Variants in CYSLTR2 observed in about 807,000 individuals in gnomAD.
CYSLTR2 encodes the protein cysteinyl leukotriene receptor 2, also known as G-protein coupled receptor GPCR21.
For missense variants in CYSLTR2, 398 were observed against 411.9 expected, an observed-to-expected ratio of 0.97 and a Z score of 0.29; for synonymous variants, 179 against 160.8, an observed-to-expected ratio of 1.11 and a Z score of -0.86.
chr13:48,707,885 G>C lies in CYSLTR2; in HGVS notation c.*27G>C. 1 of 1,480,908 alleles carries C rather than the reference G, an allele frequency of 6.8e-7. No individual in the cohort carries two copies. Among genetic ancestry groups the C allele is most frequent in the Non-Finnish European group, 9.0e-7 (1 of 1,109,714 alleles). The allele number at this position is 1,480,908 out of a possible 1,614,324, so 91.7% of individuals were successfully genotyped here. A position where few individuals can be genotyped will look rare whatever the true frequency, so the allele number is the denominator to read the frequency against. On this transcript the variant is annotated 3_prime_UTR_variant, in exon 5 of 5. Transcript: ENST00000682523. ...GAGCTCTTAGATGAGACCTGTTCTT[G>C]TATCCTTGTGTCCATCTTCATTCAC...
rs1377751560 is a variant in CYSLTR2 at position 48,706,824 on chromosome 13, A to G, written c.7A>G (p.Arg3Gly). 2.5e-6 allele frequency: 4 copies of G among 1,607,048 alleles called. No individual in the cohort carries two copies. In the South Asian group the frequency reaches 4.4e-5, roughly 18 times the overall value. The part of the protein sequence containing the change: ME[R>G]KFMSLQPSIS... The stretch of plus-strand genomic sequence containing the variant: ...TGTTTCTTTTTAACCCAGCATGGAG[A>G]GAAAATTTATGTCCTTGCAACCATC... Residue 3 changes from arginine (R) to glycine (G), a missense_variant, in exon 5 of 5, where the codon AGA becomes GGA. By Grantham distance (125) the Arg-to-Gly change is moderately radical (BLOSUM62 -2). Coordinates refer to ENST00000682523, the MANE Select transcript of CYSLTR2 (RefSeq NM_001308476.3).
intron 1 of CYSLTR2, among the ~76,000 whole-genome samples, chr13:48,659,210 C>T (rs1343796815): frequency 6.6e-6 from 1 of 152,198 alleles, no homozygotes; most frequent in Admixed American, 6.5e-5. Flanking sequence ...CAGATACCCA[C>T]TGCCCCCATG....
At chr13:48,664,866 G>T (rs996962710) in intron 1 of CYSLTR2, among the ~76,000 whole-genome samples, 1 of 151,514 alleles carries the variant, frequency 6.6e-6, no homozygotes, top group Non-Finnish European at 1.5e-5. Context: ...GGCTTAGTTT[G>T]CTCTTGCTTT....
rs1954592913 is a variant in CYSLTR2 at position 48,709,767 on chromosome 13, A to G, written c.*1909A>G. The G allele has an allele frequency of 2.0e-5, 3 of 152,228 alleles. No homozygotes were observed. In the South Asian group the frequency reaches 6.2e-4, roughly 31 times the overall value. 9.4% of individuals were successfully genotyped at this position (152,228 alleles called of 1,614,324 possible). ...ATAAGAGATTAAACCAAGATAGAGG[A>G]AAACACAGTAGCTGGGAAACAAGGA... On this transcript the variant is annotated 3_prime_UTR_variant, in exon 5 of 5. Coordinates refer to ENST00000682523, the MANE Select transcript of CYSLTR2 (RefSeq NM_001308476.3).
chr13:48,684,696 T>C (rs932460509), intron 1 of CYSLTR2, among the ~76,000 whole-genome samples: 1 of 152,100 alleles, frequency 6.6e-6, no homozygotes, highest in African/African-American at 2.4e-5. Flanking sequence ...CCAAACAATA[T>C]GTCCAAGTCC....
chr13:48,696,279 T>C (rs1321680891), intron 3 of CYSLTR2, among the ~76,000 whole-genome samples: 1 of 152,236 alleles, frequency 6.6e-6, no homozygotes, highest in Non-Finnish European at 1.5e-5. Context: ...ATTCAAGAGT[T>C]CTTTATATAT....
In CYSLTR2 at chr13:48,706,558, T is replaced by A. The variant is rs931952498; in HGVS notation, c.-1-259T>A. 3 of 396,140 alleles carry A rather than the reference T, an allele frequency of 7.6e-6. No homozygotes were observed. In the Admixed American group the frequency reaches 1.3e-4, roughly 17 times the overall value. The allele number at this position is 396,140 out of a possible 1,614,324, so 24.5% of individuals were successfully genotyped here. On this transcript the variant is annotated intron_variant, in intron 4 of 4. Coordinates refer to ENST00000682523, the MANE Select transcript of CYSLTR2 (RefSeq NM_001308476.3). ...GTCAACAGGGTCAGTAGGTCACAAG[T>A]TCTCTAAGTTTGAAGCGTCAGCTTC...
chr13:48,667,336 G>A (rs1361636220), intron 1 of CYSLTR2, among the ~76,000 whole-genome samples: 1 of 152,224 alleles, frequency 6.6e-6, no homozygotes, highest in African/African-American at 2.4e-5. Flanking sequence ...CCATGGGGCT[G>A]TTACCCTGGC....
intron 4 of CYSLTR2, among the ~76,000 whole-genome samples, chr13:48,703,366 A>G (rs1954399715): frequency 1.3e-5 from 2 of 152,184 alleles, no homozygotes; most frequent in Non-Finnish European, 2.9e-5. Flanking sequence ...TGAATAAGAC[A>G]GTGAGAATGG....
rs1356247873 is a variant in CYSLTR2 at position 48,699,052 on chromosome 13, G to A, written c.-2+2426G>A. 2.6e-5 allele frequency among the ~76,000 whole-genome samples: 4 copies of A among 152,286 alleles called. No homozygotes were observed. The East Asian group carries it at 7.7e-4, about 29-fold the overall frequency. On this transcript the variant is annotated intron_variant, in intron 4 of 4. Coordinates refer to ENST00000682523, the MANE Select transcript of CYSLTR2 (RefSeq NM_001308476.3). ...CCTTAGAGACCTACAAAGAGACTTA[G>A]ACTCCCACACAATAATAATGGGAGA...
At chr13:48,697,228 C>G (rs969405522) in intron 4 of CYSLTR2, among the ~76,000 whole-genome samples, 2 of 152,134 alleles carry the variant, frequency 1.3e-5, no homozygotes, top group African/African-American at 4.8e-5. Flanking sequence ...GGGTCCCTGA[C>G]CCCCGAGTAG....
intron 1 of CYSLTR2, among the ~76,000 whole-genome samples, chr13:48,670,708 G>A (rs747745390): frequency 9.9e-5 from 15 of 152,156 alleles, no homozygotes; most frequent in Admixed American, 3.9e-4. Context: ...AAGTCAGATA[G>A]TGTTATGCCT....
intron 1 of CYSLTR2, among the ~76,000 whole-genome samples, chr13:48,680,690 C>T (rs376056359): frequency 1.5e-4 from 23 of 152,104 alleles, no homozygotes; most frequent in South Asian, 6.2e-4. Context: ...CTTGAATTTG[C>T]GTCTTCATAT....
intron 1 of CYSLTR2, among the ~76,000 whole-genome samples, chr13:48,685,252 A>G (rs1380378895): frequency 6.6e-6 from 1 of 151,866 alleles, no homozygotes; most frequent in East Asian, 1.9e-4. Context: ...GGTGCTATAC[A>G]CTTTTAAACA....
At chr13:48,702,723 G>A (rs908942812) in intron 4 of CYSLTR2, among the ~76,000 whole-genome samples, 3 of 152,098 alleles carry the variant, frequency 2.0e-5, no homozygotes, top group Admixed American at 1.3e-4. Flanking sequence ...AAATTAGATG[G>A]ACTGATTCTT....
At chr13:48,696,068 C>T (rs61602391) in intron 3 of CYSLTR2, among the ~76,000 whole-genome samples, 2 of 152,166 alleles carry the variant, frequency 1.3e-5, no homozygotes, top group East Asian at 1.9e-4. Context: ...GATGTAGTCG[C>T]TATGTTTTAT....
At position 48,691,585 on chromosome 13, in the gene CYSLTR2, T is replaced by C. The variant is rs1954040257; in HGVS notation, c.-176+284T>C. On this transcript the variant is annotated intron_variant, in intron 2 of 4. Coordinates refer to ENST00000682523, the MANE Select transcript of CYSLTR2 (RefSeq NM_001308476.3). ...GACAAGACAACTATGCTGTGACTACTAGAGCTAATGAAAGACTGAAATAAA... is the reference window on the plus strand; with the variant it reads ...GACAAGACAACTATGCTGTGACTACCAGAGCTAATGAAAGACTGAAATAAA... Among the ~76,000 whole-genome samples, 4 of 152,068 alleles carry C rather than the reference T, an allele frequency of 2.6e-5. 1 individual carries two copies. Among genetic ancestry groups the C allele is most frequent in the Admixed American group, 2.6e-4 (4 of 15,246 alleles).
intron 1 of CYSLTR2, among the ~76,000 whole-genome samples, chr13:48,677,888 G>GTTT (rs1566089987): frequency 6.9e-6 from 1 of 144,944 alleles, no homozygotes; most frequent in East Asian, 2.0e-4. Flanking sequence ...TTTTTTTTTG[G>GTTT]GACAGAGTCT....
intron 4 of CYSLTR2, among the ~76,000 whole-genome samples, chr13:48,701,025 G>A (rs1016952072): frequency 1.3e-5 from 2 of 152,004 alleles, no homozygotes; most frequent in African/African-American, 4.8e-5. Flanking sequence ...ACAAATGGAA[G>A]AACATTCAAT....
Sources: gnomAD v4.1 joint callset for allele counts (sites outside exome capture counted in the v4.1 genomes callset) on GRCh38, gnomAD v4.1.1 for gene constraint, MANE v1.5 for transcripts, NCBI Gene and HGNC (gene_info 2026-07-23, HGNC 2026-07-21) for gene names.